PSD3: variants seen among roughly 807,000 people sequenced by gnomAD.
The protein encoded by PSD3 is PH and SEC7 domain-containing protein 3.
PSD3 carries 49 observed loss-of-function variants against 105.5 expected under a neutral mutation model. The observed-to-expected ratio is 0.46, with a 90% CI of 0.37 to 0.59. PSD3 has a LOEUF of 0.59. PSD3 is among the 20% of genes least tolerant of loss of function. The probability of loss-of-function intolerance (pLI) is 0.00; values close to 1 mark genes in which losing one functional copy is unlikely to be tolerated. For missense variants in PSD3, 1,561 were observed against 1,263.8 expected (o/e 1.24, Z -3.57); for synonymous variants, 557 against 457.8 (o/e 1.22, Z -2.77).
intron 2 of PSD3, among the ~76,000 whole-genome samples, chr8:18,919,881 G>A (rs958593273): frequency 6.7e-6 from 1 of 149,804 alleles, no homozygotes; most frequent in Admixed American, 6.6e-5. Flanking sequence ...GGATAGCATT[G>A]GGAGATATAC....
At chr8:18,587,606 C>A (rs1025665879) in intron 12 of PSD3, among the ~76,000 whole-genome samples, 1 of 152,194 alleles carries the variant, frequency 6.6e-6, no homozygotes, top group East Asian at 1.9e-4. Flanking sequence ...TTTCAGGCAT[C>A]AGTTCAAGTC....
chr8:18,664,709 T>C (rs1799344970), intron 9 of PSD3, among the ~76,000 whole-genome samples: 1 of 152,188 alleles, frequency 6.6e-6, no homozygotes, highest in African/African-American at 2.4e-5. Flanking sequence ...TCTAGGACTT[T>C]GATAGCTAGG....
chr8:18,654,018 G>A (rs1025872323), intron 10 of PSD3, among the ~76,000 whole-genome samples: 1 of 152,066 alleles, frequency 6.6e-6, no homozygotes, highest in Non-Finnish European at 1.5e-5. Flanking sequence ...TGAGAAATAA[G>A]CCTAAAGAAG....
chr8:18,547,833 C>T (rs1179873027), intron 15 of PSD3, among the ~76,000 whole-genome samples: 1 of 152,098 alleles, frequency 6.6e-6, no homozygotes. Flanking sequence ...ATATTCATAT[C>T]TTTCTCTAGA....
At chr8:18,744,341 A>G (rs188600622) in intron 9 of PSD3, among the ~76,000 whole-genome samples, 1 of 152,270 alleles carries the variant, frequency 6.6e-6, no homozygotes, top group Non-Finnish European at 1.5e-5. Flanking sequence ...TAAGTATCAG[A>G]GAATCCAGGC....
At chr8:19,066,925 T>G (rs887548071) in intron 1 of PSD3, among the ~76,000 whole-genome samples, 1 of 152,206 alleles carries the variant, frequency 6.6e-6, no homozygotes, top group Non-Finnish European at 1.5e-5. Flanking sequence ...TTGGGGACAC[T>G]CATCATTTTT....
chr8:18,562,073 G>A (rs1315404730), intron 14 of PSD3, among the ~76,000 whole-genome samples: 2 of 152,212 alleles, frequency 1.3e-5, no homozygotes, highest in Non-Finnish European at 2.9e-5. Flanking sequence ...GAGGAAGAAT[G>A]AGAGAGAAGG....
At chr8:18,837,207 T>C (rs1201615420) in intron 4 of PSD3, among the ~76,000 whole-genome samples, 2 of 152,064 alleles carry the variant, frequency 1.3e-5, no homozygotes, top group Admixed American at 6.5e-5. Context: ...CCAGACAGTA[T>C]AAGATAGACA....
intron 1 of PSD3, among the ~76,000 whole-genome samples, chr8:18,937,328 ACAT>A (rs1822205740): frequency 6.6e-6 from 1 of 152,208 alleles, no homozygotes; most frequent in Non-Finnish European, 1.5e-5. Context: ...TGGTTATGAG[ACAT>A]CATCTTTTCT....
At chr8:18,568,365 T>C (rs999153765) in intron 14 of PSD3, among the ~76,000 whole-genome samples, 1 of 152,172 alleles carries the variant, frequency 6.6e-6, no homozygotes, top group East Asian at 1.9e-4. Flanking sequence ...ATCAAGTGCC[T>C]TAGTCTGCTT....
intron 1 of PSD3, among the ~76,000 whole-genome samples, chr8:18,974,419 A>G (rs1000740722): frequency 1.3e-5 from 2 of 151,866 alleles, no homozygotes; most frequent in Non-Finnish European, 2.9e-5. Flanking sequence ...GACATTTCCC[A>G]GGGAGGGCCA....
chr8:18,977,292 A>G (rs1234006565), intron 1 of PSD3, among the ~76,000 whole-genome samples: 1 of 148,704 alleles, frequency 6.7e-6, no homozygotes, highest in Non-Finnish European at 1.5e-5. Flanking sequence ...TGGGTTCTTG[A>G]GCCAGACTAT....
intron 9 of PSD3, among the ~76,000 whole-genome samples, chr8:18,735,311 T>G (rs1301510168): frequency 1.3e-5 from 2 of 152,074 alleles, no homozygotes; most frequent in African/African-American, 4.8e-5. Flanking sequence ...TTGGGAAAGC[T>G]TCACCTAAGA....
intron 1 of PSD3, among the ~76,000 whole-genome samples, chr8:18,951,196 A>G (rs1021296279): frequency 2.0e-5 from 3 of 152,130 alleles, no homozygotes; most frequent in Non-Finnish European, 4.4e-5. Flanking sequence ...GGAGTTCAAG[A>G]CCAGCCTGGG....
intron 9 of PSD3, among the ~76,000 whole-genome samples, chr8:18,681,630 G>C (rs1800396167): frequency 6.6e-6 from 1 of 151,926 alleles, no homozygotes; most frequent in Non-Finnish European, 1.5e-5. Flanking sequence ...GTCTATTATA[G>C]TATAATTAAG....
Position 19,028,139 on chromosome 8 carries a change from C to A in PSD3, c.324+56067G>T, listed in dbSNP as rs11990773. 1.1e-3 allele frequency among the ~76,000 whole-genome samples: 174 copies of A among 152,186 alleles called. 1 individual carries two copies. Among genetic ancestry groups the A allele is most frequent in the African/African-American group, 3.6e-3 (148 of 41,522 alleles). Reference sequence around the variant, plus strand: ...AACTTTTAAAAAAACATTTAGCTTTCTGAGCATTTCATTGTAGTTTCTCTG... The same window carrying A: ...AACTTTTAAAAAAACATTTAGCTTTATGAGCATTTCATTGTAGTTTCTCTG... On this transcript the variant is annotated intron_variant, in intron 1 of 1. Coordinates refer to the PSD3 transcript ENST00000521475.
At chr8:18,774,587 T>C (rs930951273) in intron 8 of PSD3, 3 of 378,152 alleles carry the variant, frequency 7.9e-6, no homozygotes, top group Non-Finnish European at 1.0e-5. Flanking sequence ...GTACAGCCTG[T>C]TCCTGCTGCT....
intron 1 of PSD3, among the ~76,000 whole-genome samples, chr8:18,946,612 A>T (rs1053018253): frequency 7.2e-5 from 11 of 151,870 alleles, no homozygotes; most frequent in Admixed American, 1.3e-4. Flanking sequence ...TAAAATAAAT[A>T]AAATTTTCCA....
In PSD3 at chr8:18,923,040, C is replaced by T. The variant is rs563723289; in HGVS notation, c.130+12994G>A. ...ATTGGTGATTTCCTTAAACTTCACCCCTCTCCCCTCCCCAGAGGTTAGGGG... is the reference window on the plus strand; with the variant it reads ...ATTGGTGATTTCCTTAAACTTCACCTCTCTCCCCTCCCCAGAGGTTAGGGG... On this transcript the variant is annotated intron_variant, in intron 2 of 15. Coordinates refer to ENST00000327040, the MANE Select transcript of PSD3 (RefSeq NM_015310.4). Among the ~76,000 whole-genome samples the T allele has an allele frequency of 9.2e-5, 14 of 152,252 alleles. No individual in the cohort carries two copies. In the East Asian group the frequency reaches 2.7e-3, roughly 29 times the overall value.
Sources: allele counts gnomAD v4.1 joint callset (sites outside exome capture counted in the v4.1 genomes callset), GRCh38; gene constraint gnomAD v4.1.1; transcripts MANE v1.5; gene names NCBI Gene and HGNC (gene_info 2026-07-23, HGNC 2026-07-21).